The following TGFB2 variants were observed in gnomAD, a reference collection of about 807,000 sequenced individuals.
TGFB2 encodes the protein transforming growth factor beta-2 proprotein.
In TGFB2, 13 loss-of-function variants were observed where a neutral mutation model predicts 42.7. That is an observed-to-expected ratio of 0.30 (90% CI 0.20 to 0.48). The LOEUF is 0.48. Among genes scored for constraint, TGFB2 ranks in the 20% least tolerant of loss-of-function variants. The pLI is 0.99. For synonymous variants in TGFB2, 193 were observed against 193.6 expected (o/e 1.00, Z 0.03); for missense variants, 390 against 517.5 (o/e 0.75, Z 2.39).
chr1:218,392,081 G>C (rs1658332281), intron 1 of TGFB2, among the ~76,000 whole-genome samples: 2 of 152,246 alleles, frequency 1.3e-5, no homozygotes, highest in Non-Finnish European at 2.9e-5. Context: ...GCCAGGCACG[G>C]TGGCTCACGC....
intron 1 of TGFB2, among the ~76,000 whole-genome samples, chr1:218,359,650 T>C (rs1486484332): frequency 6.6e-6 from 1 of 152,216 alleles, no homozygotes; most frequent in Non-Finnish European, 1.5e-5. Flanking sequence ...TGGATCAGTT[T>C]TCCCTTTCTT....
chr1:218,422,249 G>T (rs750846330), intron 2 of TGFB2, among the ~76,000 whole-genome samples: 4 of 148,924 alleles, frequency 2.7e-5, no homozygotes, highest in Non-Finnish European at 5.9e-5. Flanking sequence ...ACAGAGTCTC[G>T]CTCTGTCACC....
chr1:218,402,264 T>A (rs753570489), intron 1 of TGFB2, among the ~76,000 whole-genome samples: 4 of 152,196 alleles, frequency 2.6e-5, no homozygotes, highest in Non-Finnish European at 1.5e-5. Flanking sequence ...AAATGCAGAT[T>A]TGTGTTATTA....
intron 1 of TGFB2, among the ~76,000 whole-genome samples, chr1:218,402,214 T>C (rs2102591446): frequency 6.6e-6 from 1 of 152,338 alleles, no homozygotes; most frequent in Non-Finnish European, 1.5e-5. Flanking sequence ...GTCCTTTCAC[T>C]GTGTGTGTTA....
chr1:218,378,697 C>G (rs1356879800), intron 1 of TGFB2, among the ~76,000 whole-genome samples: 1 of 152,032 alleles, frequency 6.6e-6, no homozygotes, highest in Non-Finnish European at 1.5e-5. Context: ...GCCTGGAACT[C>G]CTGGCCCCAA....
intron 1 of TGFB2, among the ~76,000 whole-genome samples, chr1:218,380,595 G>C (rs898361201): frequency 1.3e-5 from 2 of 152,038 alleles, no homozygotes; most frequent in African/African-American, 4.8e-5. Flanking sequence ...TATGTGTCCG[G>C]GTGCCAAGAA....
At chr1:218,438,720 A>G (rs1243860707) in intron 6 of TGFB2, among the ~76,000 whole-genome samples, 4 of 152,322 alleles carry the variant, frequency 2.6e-5, no homozygotes, top group Admixed American at 1.3e-4. Context: ...GAGTTTTTCT[A>G]TGTAATAATG....
At chr1:218,377,073 A>T (rs930308865) in intron 1 of TGFB2, among the ~76,000 whole-genome samples, 2 of 151,970 alleles carry the variant, frequency 1.3e-5, no homozygotes, top group African/African-American at 4.8e-5. Flanking sequence ...TAAAAAAAAA[A>T]ATTTTTATAG....
At chr1:218,390,151 T>C (rs1658272357) in intron 1 of TGFB2, among the ~76,000 whole-genome samples, 1 of 152,114 alleles carries the variant, frequency 6.6e-6, no homozygotes, top group Non-Finnish European at 1.5e-5. Flanking sequence ...AGAACAGCCA[T>C]TGACTTGGAA....
intron 2 of TGFB2, among the ~76,000 whole-genome samples, chr1:218,422,899 G>T (rs1300303962): frequency 6.6e-6 from 1 of 152,114 alleles, no homozygotes; most frequent in Non-Finnish European, 1.5e-5. Context: ...AATAAATGAG[G>T]ACTCAAGTGC....
chr1:218,436,779 A>G (rs1422594025), intron 5 of TGFB2, among the ~76,000 whole-genome samples: 3 of 152,222 alleles, frequency 2.0e-5, no homozygotes, highest in Non-Finnish European at 4.4e-5. Context: ...GTCAGAGGCC[A>G]TGAGTAAAGT....
At chr1:218,367,456 T>C (rs1657423120) in intron 1 of TGFB2, among the ~76,000 whole-genome samples, 2 of 152,230 alleles carry the variant, frequency 1.3e-5, no homozygotes. Context: ...AATCACTTGG[T>C]ATTTTCTTTG....
At chr1:218,421,373 GTTTT>G (rs5742078) in intron 2 of TGFB2, among the ~76,000 whole-genome samples, 5 of 145,940 alleles carry the variant, frequency 3.4e-5, no homozygotes, top group African/African-American at 1.3e-4. Flanking sequence ...CCAAGAAGCA[GTTTT>G]TTTTTTTTTT....
intron 1 of TGFB2, among the ~76,000 whole-genome samples, chr1:218,365,611 T>C (rs1040961061): frequency 2.6e-5 from 4 of 151,420 alleles, no homozygotes; most frequent in Non-Finnish European, 5.9e-5. Context: ...GGAAAAACCC[T>C]GCAGACCCCT....
At chr1:218,353,415 T>G (rs1318382327) in intron 1 of TGFB2, among the ~76,000 whole-genome samples, 1 of 152,184 alleles carries the variant, frequency 6.6e-6, no homozygotes, top group Non-Finnish European at 1.5e-5. Flanking sequence ...GGCAATTAGA[T>G]TCAGGCCTTT....
At chr1:218,381,916 A>G (rs561696104) in intron 1 of TGFB2, among the ~76,000 whole-genome samples, 32 of 152,182 alleles carry the variant, frequency 2.1e-4, no homozygotes, top group Non-Finnish European at 3.8e-4. Context: ...TTATTTTTAA[A>G]TTGAAGAAAT....
chr1:218,401,734 G>T (rs865862900), intron 1 of TGFB2, among the ~76,000 whole-genome samples: 4 of 152,086 alleles, frequency 2.6e-5, no homozygotes, highest in African/African-American at 4.8e-5. Flanking sequence ...AGAGGAAAAA[G>T]CTCCATCCCT....
At chr1:218,361,844 C>G (rs1452037978) in intron 1 of TGFB2, among the ~76,000 whole-genome samples, 3 of 152,168 alleles carry the variant, frequency 2.0e-5, no homozygotes, top group African/African-American at 7.2e-5. Context: ...TAAAAATAAA[C>G]AGCATGGTTT....
At chr1:218,420,883 G>C (rs1454416002) in intron 2 of TGFB2, among the ~76,000 whole-genome samples, 1 of 152,116 alleles carries the variant, frequency 6.6e-6, no homozygotes, top group Non-Finnish European at 1.5e-5. Context: ...TGTATTCCAC[G>C]GGAGCTGACT....
Sources: gnomAD v4.1 joint callset for allele counts (sites outside exome capture counted in the v4.1 genomes callset) on GRCh38, gnomAD v4.1.1 for gene constraint, MANE v1.5 for transcripts, NCBI Gene and HGNC (gene_info 2026-07-23, HGNC 2026-07-21) for gene names.